Variants in ADGRV1 observed in about 807,000 individuals in gnomAD.
ADGRV1 encodes the protein adhesion G protein-coupled receptor V1, also known as G-protein coupled receptor 98.
ADGRV1 carries 359 observed loss-of-function variants against 596.2 expected under a neutral mutation model. That is an observed-to-expected ratio of 0.60 (90% CI 0.55 to 0.66). The LOEUF (loss-of-function observed/expected upper bound fraction) is 0.66, where lower values mean the gene tolerates loss of function less well. ADGRV1 is among the 30% of genes least tolerant of loss of function. The pLI is 0.00. For missense variants in ADGRV1, 7,274 were observed against 7,575.6 expected (o/e 0.96, Z 1.48); for synonymous variants, 2,681 against 2,679.2 (o/e 1.00, Z -0.02).
At chr5:90,631,249 A>G (rs556338933) in intron 9 of ADGRV1, among the ~76,000 whole-genome samples, 14 of 152,088 alleles carry the variant, frequency 9.2e-5, no homozygotes, top group Non-Finnish European at 1.9e-4. Context: ...GCTTTTTACA[A>G]CTGTTCCTTG....
chr5:90,646,775 CTTTTT>C (rs550562464), intron 16 of ADGRV1, among the ~76,000 whole-genome samples: 1 of 96,534 alleles, frequency 1.0e-5, no homozygotes. Flanking sequence ...CTTTCTTCTT[CTTTTT>C]TTTTTTTTTT....
At chr5:91,153,110 A>G in intron 88 of ADGRV1, 111 bp from the exon 89 acceptor site, 1 of 802,934 alleles carries the variant, frequency 1.2e-6, no homozygotes, top group South Asian at 1.9e-5. Context: ...ACTGCCGTTT[A>G]GCAAGGTCTT....
intron 53 of ADGRV1, among the ~76,000 whole-genome samples, chr5:90,751,189 A>T (rs1382972799): frequency 6.6e-6 from 1 of 152,136 alleles, no homozygotes; most frequent in Admixed American, 6.6e-5. Flanking sequence ...ATCTATGAGG[A>T]TGTGAGGAAG....
chr5:91,051,605 G>A (rs1229612520), intron 85 of ADGRV1, among the ~76,000 whole-genome samples: 1 of 144,566 alleles, frequency 6.9e-6, no homozygotes, highest in Non-Finnish European at 1.5e-5. Context: ...GGAGTGCAGT[G>A]GCGCGATCTC....
rs775566590 is a variant in ADGRV1 at position 90,628,574 on chromosome 5, C to A, written c.1251C>A (p.Ile417=). 1.2e-6 allele frequency: 2 copies of A among 1,613,276 alleles called. No individual in the cohort carries two copies. The highest frequency in any genetic ancestry group is 2.7e-5 in the African/African-American group (2 of 74,900). ...TAAAACATTTAAGATATGAAGAAAT[C>A]ACAGTGGTTAGAAATGGAGGAACCC... is the stretch of plus-strand genomic sequence containing the variant. ...DEDRISRYEE[I]TVVRNGGTHG... Residue 417 remains isoleucine (I), a synonymous_variant, in exon 8 of 90, where the codon ATC becomes ATA. Coordinates refer to ENST00000405460, the MANE Select transcript of ADGRV1 (RefSeq NM_032119.4).
chr5:91,148,609 A>C (rs1795756140), intron 87 of ADGRV1, among the ~76,000 whole-genome samples: 1 of 151,926 alleles, frequency 6.6e-6, no homozygotes, highest in Non-Finnish European at 1.5e-5. Context: ...CTCATAAAGA[A>C]CCTCTGGTAG....
chr5:91,084,714 C>A (rs544657676), intron 86 of ADGRV1, among the ~76,000 whole-genome samples: 1 of 152,124 alleles, frequency 6.6e-6, no homozygotes, highest in Admixed American at 6.5e-5. Flanking sequence ...TTTGACCCAG[C>A]GATCCCATTA....
At chr5:90,885,511 T>G (rs1770194980) in intron 83 of ADGRV1, among the ~76,000 whole-genome samples, 1 of 152,116 alleles carries the variant, frequency 6.6e-6, no homozygotes, top group Non-Finnish European at 1.5e-5. Context: ...CCAGTTAAAG[T>G]GAAAATCTGT....
intron 1 of ADGRV1, among the ~76,000 whole-genome samples, chr5:90,590,524 C>T (rs1042149774): frequency 1.8e-4 from 28 of 152,308 alleles, no homozygotes; most frequent in African/African-American, 6.5e-4. Context: ...GTGGTGCCTT[C>T]CTCTGGGGCA....
chr5:91,063,658 G>GT (rs1369114060), intron 85 of ADGRV1, among the ~76,000 whole-genome samples: 45 of 152,298 alleles, frequency 3.0e-4, no homozygotes, highest in Admixed American at 2.9e-3. Context: ...TCCAAGAACA[G>GT]TTTTTATGTT....
chr5:90,686,502 A>G (rs1288186816), intron 29 of ADGRV1, among the ~76,000 whole-genome samples: 1 of 152,036 alleles, frequency 6.6e-6, no homozygotes, highest in African/African-American at 2.4e-5. Context: ...ACTGAGAATG[A>G]TGATTTCCAA....
Position 90,871,855 on chromosome 5 carries a change from A to T in ADGRV1, c.17856+7998A>T, listed in dbSNP as rs144141873. Among the ~76,000 whole-genome samples, 5 of 152,356 alleles carry T rather than the reference A, an allele frequency of 3.3e-5. No individual in the cohort carries two copies. The East Asian group carries it at 9.6e-4, about 29-fold the overall frequency. On this transcript the variant is annotated intron_variant, in intron 83 of 89. Coordinates refer to ENST00000405460, the MANE Select transcript of ADGRV1 (RefSeq NM_032119.4). ...ACTGATGGGGTAACATCTGTCAACT[A>T]CAGTGGAAAAAAAATCACTAGGAAA...
At chr5:91,104,860 C>CTTTTTTTTTTTTT (rs60957930) in intron 87 of ADGRV1, among the ~76,000 whole-genome samples, 1 of 125,994 alleles carries the variant, frequency 7.9e-6, no homozygotes, top group African/African-American at 3.0e-5. Flanking sequence ...CTTTTCTTTT[C>CTTTTTTTTTTTTT]TTTTTTTTTT....
chr5:90,809,323 C>CACACACACACACACACACACAA (rs1762226790), intron 73 of ADGRV1, among the ~76,000 whole-genome samples: 3 of 151,880 alleles, frequency 2.0e-5, no homozygotes, highest in African/African-American at 7.3e-5. Context: ...CACACACACA[C>CACACACACACACACACACACAA]ACACGCTCTG....
intron 25 of ADGRV1, 88 bp from the exon 26 acceptor site, chr5:90,679,461 C>T: frequency 2.5e-6 from 2 of 812,982 alleles, no homozygotes; most frequent in Admixed American, 4.6e-5. Context: ...GCATTTTCCT[C>T]TTTGCTTGAT....
At chr5:90,835,312 G>T (rs531808692) in intron 77 of ADGRV1, among the ~76,000 whole-genome samples, 31 of 152,324 alleles carry the variant, frequency 2.0e-4, no homozygotes, top group Non-Finnish European at 3.8e-4. Flanking sequence ...GTACTGCATT[G>T]GTGGTCTTGG....
chr5:90,863,749 T>G lies in ADGRV1; in HGVS notation c.17756-8T>G. 6.2e-7 allele frequency: 1 copy of G among 1,600,932 alleles called. No homozygotes were observed. The highest frequency in any genetic ancestry group is 8.6e-7 in the Non-Finnish European group (1 of 1,168,118). ...TTAAACCATATGTGGACTTTTTTGTTCCTACAGGTCTTTGCTTGGCTGTTC... is the reference window on the plus strand; with the variant it reads ...TTAAACCATATGTGGACTTTTTTGTGCCTACAGGTCTTTGCTTGGCTGTTC... On this transcript the variant is annotated splice_polypyrimidine_tract_variant and splice_region_variant and intron_variant, in intron 82 of 89. Coordinates refer to ENST00000405460, the MANE Select transcript of ADGRV1 (RefSeq NM_032119.4).
rs996507156 is a variant in ADGRV1, at chr5:90,709,230, C to G, written c.8824+321C>G. Among the ~76,000 whole-genome samples the G allele has an allele frequency of 1.2e-4, 19 of 152,230 alleles. 1 individual carries two copies. The highest frequency in any genetic ancestry group is 4.6e-4 in the African/African-American group (19 of 41,540). ...AAAATTAGCTGTTTTCAGTAGATCT[C>G]CAAACTCTCAGATGTTTTTATTTTC... On this transcript the variant is annotated intron_variant, in intron 39 of 89. Transcript: ENST00000405460.
rs73177413 is a variant in ADGRV1, at chr5:90,755,235, T to G, written c.11580+50T>G. 2.5e-3 allele frequency: 3,113 copies of G among 1,233,906 alleles called. 55 individuals are homozygous for G. In the African/African-American group the frequency reaches 0.043, roughly 17 times the overall value. 76.4% of individuals were successfully genotyped at this position (1,233,906 alleles called of 1,614,324 possible). On this transcript the variant is annotated intron_variant, in intron 55 of 89. Coordinates refer to ENST00000405460, the MANE Select transcript of ADGRV1 (RefSeq NM_032119.4). Reference sequence around the variant, plus strand: ...GATCTAAAATAGAGGAAAATTCTCTTAAGTAAAATTGTGATGCTCTTGTAA... The same window carrying G: ...GATCTAAAATAGAGGAAAATTCTCTGAAGTAAAATTGTGATGCTCTTGTAA...
Sources: gnomAD v4.1 joint callset for allele counts (sites outside exome capture counted in the v4.1 genomes callset) on GRCh38, gnomAD v4.1.1 for gene constraint, MANE v1.5 for transcripts, NCBI Gene and HGNC (gene_info 2026-07-23, HGNC 2026-07-21) for gene names.